The following BMP1 variants were observed in gnomAD, a reference collection of about 807,000 sequenced individuals.
BMP1 encodes the protein mammalian tolloid protein.
A neutral mutation model predicts 116.8 loss-of-function variants in BMP1; 63 were observed. The ratio of observed to expected loss-of-function variants is 0.54; its 90% CI spans 0.44 to 0.67. The LOEUF is 0.67. Among genes scored for constraint, BMP1 ranks in the 30% least tolerant of loss-of-function variants. The pLI, the probability that BMP1 is intolerant of heterozygous loss-of-function variation, is 0.00. For synonymous variants in BMP1, 536 were observed against 533.4 expected (o/e 1.00, Z -0.07); for missense variants, 1,183 against 1,358.9 (o/e 0.87, Z 2.04).
chr8:22,178,594 C>G (rs1828522682), intron 6 of BMP1, among the ~76,000 whole-genome samples: 1 of 152,096 alleles, frequency 6.6e-6, no homozygotes, highest in Non-Finnish European at 1.5e-5. Context: ...TTTAATTAGT[C>G]TGCTTTTTTT....
chr8:22,201,832 G>GCAGT lies in BMP1; in HGVS notation c.2137_2138insCAGT (p.Gly713AlafsTer15), dbSNP rs1829270479. ...GGACGAGTGCTCCAAGGATAACGGC[G>GCAGT]GCTGCCAGCAGGACTGCGTCAACAC... On this transcript the variant is annotated frameshift_variant, in exon 16 of 20. Transcript: ENST00000306385. LOFTEE classifies it high-confidence loss of function. 1.9e-6 allele frequency: 3 copies of GCAGT among 1,613,510 alleles called. No individual in the cohort carries two copies. Among genetic ancestry groups the GCAGT allele is most frequent in the Non-Finnish European group, 8.5e-7 (1 of 1,179,988 alleles).
chr8:22,205,315 G>A (rs1357787762), intron 16 of BMP1, among the ~76,000 whole-genome samples: 5 of 152,194 alleles, frequency 3.3e-5, no homozygotes, highest in Non-Finnish European at 7.4e-5. Flanking sequence ...TGAGGCTGGA[G>A]CCACAGGTGG....
rs74593789 is a variant in BMP1, at chr8:22,178,438, C to T, written c.836+481C>T. 2.8e-3 allele frequency among the ~76,000 whole-genome samples: 428 copies of T among 152,166 alleles called. 2 individuals are homozygous for T. Among genetic ancestry groups the T allele is most frequent in the African/African-American group, 8.2e-3 (341 of 41,516 alleles). On this transcript the variant is annotated intron_variant, in intron 6 of 19. Coordinates refer to ENST00000306385, the MANE Select transcript of BMP1 (RefSeq NM_006129.5). The stretch of plus-strand genomic sequence containing the variant: ...CTGAGTAGCTAGGATGACAGGCACA[C>T]GCCACCGTGCCTTTTTTTTTAGAGA...
chr8:22,179,732 C>A lies in BMP1; in HGVS notation c.864C>A (p.Pro288=). The A allele has an allele frequency of 6.2e-7, 1 of 1,614,096 alleles. No homozygotes were observed. The highest frequency in any genetic ancestry group is 1.1e-5 in the South Asian group (1 of 91,084). The change falls in exon 7 of 20, where the codon CCC becomes CCA. Residue 288 remains proline (P), a synonymous_variant. Transcript: ENST00000306385. The surrounding 1 kb of genome is among the most constrained non-coding windows in gnomAD (Gnocchi z 4.6). ...GCATCTTCCTGGATACCATTGTCCC[C>A]AAGTATGAGGTGAACGGGGTGAAAC... ...SRGIFLDTIV[P]KYEVNGVKPP... is the part of the protein sequence containing the mutation.
chr8:22,179,020 C>T lies in BMP1; in HGVS notation c.837-685C>T, dbSNP rs1019385657. ...TTTCCCACCACATCCCACCCCACCC[C>T]CTGCTGCGATCCACCCAGCTGGGTG... On this transcript the variant is annotated intron_variant, in intron 6 of 19. Transcript: ENST00000306385. This position sits in a 1 kb window ranked among gnomAD's most constrained non-coding sequence, Gnocchi z 4.6. 6.6e-6 allele frequency among the ~76,000 whole-genome samples: 1 copy of T among 152,178 alleles called. No individual in the cohort carries two copies. Among genetic ancestry groups the T allele is most frequent in the Non-Finnish European group, 1.5e-5 (1 of 68,034 alleles).
At position 22,196,578 on chromosome 8, in the gene BMP1, A is replaced by C. The variant is rs535121942; in HGVS notation, c.1766-102A>C. On this transcript the variant is annotated intron_variant, in intron 13 of 19. Coordinates refer to ENST00000306385, the MANE Select transcript of BMP1 (RefSeq NM_006129.5). ...CAGGTCCCTGAGCCTTGGGGAGTCC[A>C]CAGGCTCCCCATCTTCTCCTTACTG... The C allele has an allele frequency of 1.9e-5, 29 of 1,542,126 alleles. No homozygotes were observed. The South Asian group carries it at 3.2e-4, about 17-fold the overall frequency.
intron 8 of BMP1, among the ~76,000 whole-genome samples, chr8:22,189,686 C>T (rs1446153051): frequency 1.3e-5 from 2 of 151,450 alleles, no homozygotes; most frequent in African/African-American, 2.4e-5. Flanking sequence ...AGGCTGGTCT[C>T]AAACTCCTGG....
At chr8:22,167,732 C>T (rs1177195172) in intron 1 of BMP1, among the ~76,000 whole-genome samples, 1 of 152,118 alleles carries the variant, frequency 6.6e-6, no homozygotes, top group Non-Finnish European at 1.5e-5. Flanking sequence ...AGAGGGCCCC[C>T]GGGCCTGACA....
At chr8:22,186,611 C>T (rs1486545083) in intron 8 of BMP1, among the ~76,000 whole-genome samples, 4 of 152,152 alleles carry the variant, frequency 2.6e-5, no homozygotes, top group African/African-American at 9.7e-5. Flanking sequence ...GGACTATAGG[C>T]ACGTGCCACC....
At chr8:22,173,865 C>G (rs1350516180) in intron 2 of BMP1, 150 bp downstream of exon 2, 2 of 536,258 alleles carry the variant, frequency 3.7e-6, no homozygotes, top group African/African-American at 1.9e-5. Context: ...CTCGGGATAT[C>G]TTCATCCCTT....
In BMP1 at chr8:22,196,394, C is replaced by A. The variant is rs1454927365; in HGVS notation, c.1766-286C>A. Reference sequence around the variant, plus strand: ...GCTTTCCCTGAGCCCCTTATTCCCGCTCACTCCCTCTTGGAGGACCTTGGC... The same window carrying A: ...GCTTTCCCTGAGCCCCTTATTCCCGATCACTCCCTCTTGGAGGACCTTGGC... On this transcript the variant is annotated intron_variant, in intron 13 of 19. Coordinates refer to ENST00000306385, the MANE Select transcript of BMP1 (RefSeq NM_006129.5). 3 of 593,040 alleles carry A rather than the reference C, an allele frequency of 5.1e-6. No individual in the cohort carries two copies. The African/African-American group carries it at 5.5e-5, about 11-fold the overall frequency. 36.7% of individuals were successfully genotyped at this position (593,040 alleles called of 1,614,324 possible).
At position 22,211,740 on chromosome 8, in the gene BMP1, G is replaced by A. The variant is rs1563285881; in HGVS notation, c.*12G>A. ...ACAGCAGGAAGTGACCACTGCCTGA[G>A]CAGGGGCGGGGACTGGAGCCTGCTG... is the stretch of plus-strand genomic sequence containing the variant. On this transcript the variant is annotated 3_prime_UTR_variant, in exon 20 of 20. Transcript: ENST00000306385. 1 of 1,613,976 alleles carries A rather than the reference G, an allele frequency of 6.2e-7. No individual in the cohort carries two copies.
intron 4 of BMP1, 95 bp from the exon 5 acceptor site, chr8:22,176,866 C>T: frequency 8.6e-7 from 1 of 1,168,820 alleles, no homozygotes; most frequent in Non-Finnish European, 1.2e-6. Context: ...CCCTTCGCTC[C>T]CCTGCCGCCC....
intron 15 of BMP1, chr8:22,201,031 G>A: frequency 3.2e-6 from 3 of 924,390 alleles, no homozygotes; most frequent in Non-Finnish European, 4.9e-6. Flanking sequence ...AGAGGCCCTG[G>A]GTCTGGTTTT....
chr8:22,207,096 C>A, intron 17 of BMP1, 115 bp downstream of exon 17: 2 of 1,504,216 alleles, frequency 1.3e-6, no homozygotes, highest in South Asian at 2.5e-5. Flanking sequence ...CCAGGAGACC[C>A]CAAGTCTGGC....
At chr8:22,203,138 T>C (rs1297961561) in intron 16 of BMP1, among the ~76,000 whole-genome samples, 1 of 152,252 alleles carries the variant, frequency 6.6e-6, no homozygotes, top group East Asian at 1.9e-4. Context: ...CTGTGGCCCT[T>C]GCCTGCTGGG....
chr8:22,208,822 G>C (rs543347122), intron 18 of BMP1, among the ~76,000 whole-genome samples: 1 of 152,268 alleles, frequency 6.6e-6, no homozygotes, highest in East Asian at 1.9e-4. Context: ...CTCAGTCCCT[G>C]ACCCAGCCCC....
intron 8 of BMP1, among the ~76,000 whole-genome samples, chr8:22,189,336 A>C (rs1242750722): frequency 6.6e-6 from 1 of 151,876 alleles, no homozygotes. Flanking sequence ...GTTCCATGCC[A>C]GCACTCAGTC....
chr8:22,208,288 C>A lies in BMP1; in HGVS notation c.2575+772C>A, dbSNP rs1175018351. On this transcript the variant is annotated intron_variant, in intron 18 of 19. Transcript: ENST00000306385. ...GATCCCAGCCCTTGAGGGGCTTGCT[C>A]GGCTTTCACTTGCTTGTTTATTTAG... 2.6e-5 allele frequency among the ~76,000 whole-genome samples: 4 copies of A among 152,352 alleles called. 1 individual carries two copies. In the South Asian group the frequency reaches 6.2e-4, roughly 24 times the overall value.
Sources: allele counts gnomAD v4.1 joint callset (sites outside exome capture counted in the v4.1 genomes callset), GRCh38; gene constraint gnomAD v4.1.1; non-coding constraint Gnocchi (gnomAD v3.1); transcripts MANE v1.5; gene names NCBI Gene and HGNC (gene_info 2026-07-23, HGNC 2026-07-21).